Variants in STK32B observed in about 807,000 individuals in gnomAD.
STK32B encodes serine/threonine kinase 32B, also known as serine/threonine-protein kinase 32B.
STK32B carries 43 observed loss-of-function variants against 52.6 expected under a neutral mutation model. That is an observed-to-expected ratio of 0.82 (90% CI 0.64 to 1.05). The LOEUF (loss-of-function observed/expected upper bound fraction) is 1.05. STK32B is among the 50% of genes least tolerant of loss of function. The probability of loss-of-function intolerance (pLI) is 0.00; values close to 1 mark genes in which losing one functional copy is unlikely to be tolerated. For missense variants in STK32B, 621 were observed against 534.6 expected (o/e 1.16, Z -1.59); for synonymous variants, 238 against 204.3 (o/e 1.17, Z -1.41).
At chr4:5,199,750 A>T (rs1163230768) in intron 3 of STK32B, among the ~76,000 whole-genome samples, 1 of 151,872 alleles carries the variant, frequency 6.6e-6, no homozygotes, top group Non-Finnish European at 1.5e-5. Flanking sequence ...CATTTTCCTA[A>T]ATGTTCTCCC....
In STK32B at chr4:5,486,700, G is replaced by A. The variant is rs564106833; in HGVS notation, c.1107-12245G>A. On this transcript the variant is annotated intron_variant, in intron 11 of 11. Coordinates refer to ENST00000282908, the MANE Select transcript of STK32B (RefSeq NM_018401.3). ...TCATGCTGGGAGCTGTAGACTGGGAGCTGTACACTGGAGCAGTTCCTATTT... is the reference window on the plus strand; with the variant it reads ...TCATGCTGGGAGCTGTAGACTGGGAACTGTACACTGGAGCAGTTCCTATTT... 2.0e-5 allele frequency among the ~76,000 whole-genome samples: 3 copies of A among 152,340 alleles called. No homozygotes were observed. In the South Asian group the frequency reaches 6.2e-4, roughly 32 times the overall value.
chr4:5,359,051 G>A (rs144989469), intron 4 of STK32B, among the ~76,000 whole-genome samples: 1 of 152,176 alleles, frequency 6.6e-6, no homozygotes, highest in South Asian at 2.1e-4. Context: ...TTCTACGTGG[G>A]CTCACTTCAA....
At chr4:5,350,365 CT>C (rs1733747940) in intron 4 of STK32B, among the ~76,000 whole-genome samples, 1 of 151,958 alleles carries the variant, frequency 6.6e-6, no homozygotes, top group Non-Finnish European at 1.5e-5. Context: ...CAAGCAAAAG[CT>C]GAGATAATTC....
chr4:5,139,642 A>G (rs1716284265), intron 1 of STK32B: 6 of 475,268 alleles, frequency 1.3e-5, no homozygotes, highest in Non-Finnish European at 2.3e-5. Context: ...TGGGGTAGAG[A>G]GTGAAGCAGC....
At chr4:5,494,255 G>T (rs1243570036) in intron 11 of STK32B, among the ~76,000 whole-genome samples, 2 of 152,110 alleles carry the variant, frequency 1.3e-5, no homozygotes, top group Non-Finnish European at 2.9e-5. Context: ...TTATGAATCT[G>T]GGTGCTCCTG....
chr4:5,134,906 CT>C (rs1430988674), intron 1 of STK32B, among the ~76,000 whole-genome samples: 4 of 152,340 alleles, frequency 2.6e-5, no homozygotes, highest in African/African-American at 9.6e-5. Context: ...AAAGTTCACT[CT>C]TGGCTGTTTG....
chr4:5,247,586 C>G (rs1725552642), intron 3 of STK32B, among the ~76,000 whole-genome samples: 1 of 152,142 alleles, frequency 6.6e-6, no homozygotes, highest in African/African-American at 2.4e-5. Flanking sequence ...TGTCCTGCAC[C>G]CACTGTCCGG....
chr4:5,461,035 T>A (rs1716985060), intron 9 of STK32B, among the ~76,000 whole-genome samples: 1 of 152,188 alleles, frequency 6.6e-6, no homozygotes, highest in African/African-American at 2.4e-5. Flanking sequence ...AGTTTGGACC[T>A]GCCTGGAAGC....
At chr4:5,299,251 G>T (rs534303770) in intron 3 of STK32B, among the ~76,000 whole-genome samples, 1 of 152,030 alleles carries the variant, frequency 6.6e-6, no homozygotes, top group African/African-American at 2.4e-5. Context: ...CAGCCATCTT[G>T]CCAGATCCTT....
At chr4:5,249,505 C>T (rs10027678) in intron 3 of STK32B, among the ~76,000 whole-genome samples, 4,703 of 115,140 alleles carry the variant, frequency 0.041, 123 homozygotes, top group African/African-American at 0.098. Context: ...CTTCCTTCCT[C>T]CCTCCCTTCC....
the STK32B span, among the ~76,000 whole-genome samples, chr4:5,023,000 CAT>C: frequency 1.3e-5 from 2 of 150,106 alleles, no homozygotes; most frequent in East Asian, 3.9e-4. Flanking sequence ...GGTATGAAGG[CAT>C]GTGTGTGTGT....
At position 5,380,053 on chromosome 4, in the gene STK32B, C is replaced by T. The variant is rs1046365256; in HGVS notation, c.435-18154C>T. On this transcript the variant is annotated intron_variant, in intron 4 of 11. Transcript: ENST00000282908. The surrounding 1 kb of genome is among the most constrained non-coding windows in gnomAD (Gnocchi z 4.3). ...CAGGCCCTGAGGAAAACCACTGCCT[C>T]GATCACGGGGCTATGCTCACTGTGC... Among the ~76,000 whole-genome samples, 43 of 152,230 alleles carry T rather than the reference C, an allele frequency of 2.8e-4. No individual in the cohort carries two copies. Among genetic ancestry groups the T allele is most frequent in the African/African-American group, 1.0e-3 (43 of 41,538 alleles).
intron 2 of STK32B, among the ~76,000 whole-genome samples, chr4:5,165,087 A>AT (rs1322395294): frequency 6.6e-6 from 1 of 152,026 alleles, no homozygotes; most frequent in Non-Finnish European, 1.5e-5. Flanking sequence ...GAGAAACAGA[A>AT]TTTTTCTGAG....
At chr4:5,262,379 C>G (rs1181882537) in intron 3 of STK32B, among the ~76,000 whole-genome samples, 1 of 151,898 alleles carries the variant, frequency 6.6e-6, no homozygotes, top group African/African-American at 2.4e-5. Flanking sequence ...GTAATCCCAG[C>G]ACTTTGGGAG....
At chr4:5,183,294 A>C (rs1327865559) in intron 3 of STK32B, among the ~76,000 whole-genome samples, 1 of 152,094 alleles carries the variant, frequency 6.6e-6, no homozygotes, top group Non-Finnish European at 1.5e-5. Flanking sequence ...CCTGACCAGC[A>C]TGGAGAAACC....
intron 5 of STK32B, among the ~76,000 whole-genome samples, chr4:5,414,251 C>T (rs894043739): frequency 2.0e-5 from 3 of 151,768 alleles, no homozygotes; most frequent in Admixed American, 1.3e-4. Flanking sequence ...TATTAAATAA[C>T]ATATATGATA....
At position 5,456,826 on chromosome 4, in the gene STK32B, C is replaced by G; in HGVS notation, c.686C>G (p.Ser229Trp). ...TTGCAGAGGCCGTACGAAATCCACT[C>G]GGTCACGCCCATCGATGAAATCCTC... ...LRGWRPYEIH[S>W]VTPIDEILNM... The change falls in exon 8 of 12, where the codon TCG becomes TGG. Residue 229 changes from serine (S) to tryptophan (W), a missense_variant. Transcript: ENST00000282908. 1 of 1,586,764 alleles carries G rather than the reference C, an allele frequency of 6.3e-7. No homozygotes were observed. The highest frequency in any genetic ancestry group is 8.6e-7 in the Non-Finnish European group (1 of 1,163,226).
intron 4 of STK32B, among the ~76,000 whole-genome samples, chr4:5,335,953 T>A (rs1400130344): frequency 1.3e-5 from 2 of 151,422 alleles, no homozygotes; most frequent in East Asian, 3.9e-4. Flanking sequence ...TTAAGTAGTA[T>A]TGAGAACGCA....
intron 11 of STK32B, among the ~76,000 whole-genome samples, chr4:5,473,495 A>G (rs947626714): frequency 2.0e-5 from 3 of 152,162 alleles, no homozygotes; most frequent in Non-Finnish European, 4.4e-5. Flanking sequence ...CAGGTTAGGA[A>G]GTACAGGCCC....
Sources: gnomAD v4.1 joint callset for allele counts (sites outside exome capture counted in the v4.1 genomes callset) on GRCh38, gnomAD v4.1.1 for gene constraint, Gnocchi (gnomAD v3.1) non-coding constraint, MANE v1.5 for transcripts, NCBI Gene and HGNC (gene_info 2026-07-23, HGNC 2026-07-21) for gene names.